DDX42: variants seen among roughly 807,000 people sequenced by gnomAD.
DDX42 encodes ATP-dependent RNA helicase DDX42.
A neutral mutation model predicts 101.5 loss-of-function variants in DDX42; 22 were observed. The ratio of observed to expected loss-of-function variants is 0.22; its 90% confidence interval spans 0.15 to 0.31. The LOEUF is 0.31. DDX42 is among the 10% of genes least tolerant of loss of function. DDX42 has a pLI of 1.00. For missense variants in DDX42, 849 were observed against 1,199.9 expected (o/e 0.71, Z 4.32); for synonymous variants, 402 against 401.2 (o/e 1.00, Z -0.02).
At position 63,811,187 on chromosome 17, in the gene DDX42, G is replaced by T; in HGVS notation, c.1398+14G>T. The T allele has an allele frequency of 6.3e-7, 1 of 1,585,502 alleles. No individual in the cohort carries two copies. Among genetic ancestry groups the T allele is most frequent in the Non-Finnish European group, 8.6e-7 (1 of 1,157,556 alleles). On this transcript the variant is annotated intron_variant, in intron 13 of 17. Transcript: ENST00000389924. The stretch of plus-strand genomic sequence containing the variant: ...GATATTGGAGAGGTAACCCTAAGCA[G>T]GGCTGGATGGGACCTTAATGGGTTT...
At chr17:63,798,000 T>C in intron 3 of DDX42, 38 bp from the exon 4 acceptor site, 2 of 1,570,032 alleles carry the variant, frequency 1.3e-6, no homozygotes, top group Non-Finnish European at 1.7e-6. Flanking sequence ...TCAGTGTTTT[T>C]AGTTGATGTC....
At chr17:63,811,738 G>T in intron 13 of DDX42, 194 bp from the exon 14 acceptor site, 7 of 692,054 alleles carry the variant, frequency 1.0e-5, no homozygotes, top group Non-Finnish European at 1.5e-5. Flanking sequence ...AATTAGGTAT[G>T]TACACCAGGT....
chr17:63,799,548 A>G (rs1473948494), intron 4 of DDX42, 41 bp from the exon 5 acceptor site: 1 of 1,611,028 alleles, frequency 6.2e-7, no homozygotes, highest in Non-Finnish European at 8.5e-7. Flanking sequence ...GGGTATGTGG[A>G]ACATTTGCAG....
intron 15 of DDX42, 72 bp downstream of exon 15, chr17:63,813,526 T>C: frequency 7.1e-7 from 1 of 1,406,998 alleles, no homozygotes; most frequent in Non-Finnish European, 9.8e-7. Flanking sequence ...CTGGAACAGA[T>C]AACATAAAAA....
At chr17:63,802,256 A>G (rs1230185045) in intron 6 of DDX42, among the ~76,000 whole-genome samples, 1 of 152,208 alleles carries the variant, frequency 6.6e-6, no homozygotes, top group Admixed American at 6.5e-5. Flanking sequence ...GTGACCCTTG[A>G]GCTACATGTC....
rs575898679 is a variant in DDX42 at position 63,817,666 on chromosome 17, C to T, written c.2113-28C>T. ...AAGTTTCTTGAACTTGCTATCTTAC[C>T]TACTCCTGATGTCTCTTTCTCTTTC... On this transcript the variant is annotated intron_variant, in intron 17 of 17. Transcript: ENST00000389924. 4.4e-6 allele frequency: 7 copies of T among 1,601,318 alleles called. No individual in the cohort carries two copies. The African/African-American group carries it at 6.7e-5, about 15-fold the overall frequency.
intron 11 of DDX42, among the ~76,000 whole-genome samples, chr17:63,809,977 G>A (rs1335811672): frequency 6.6e-6 from 1 of 152,140 alleles, no homozygotes; most frequent in Non-Finnish European, 1.5e-5. Flanking sequence ...CAGATCATTC[G>A]AGGCCCTTTG....
chr17:63,797,352 CAAAAAA>C (rs59892636), intron 3 of DDX42, among the ~76,000 whole-genome samples: 1 of 100,050 alleles, frequency 1.0e-5, no homozygotes, highest in African/African-American at 3.7e-5. Context: ...AACTCCATCT[CAAAAAA>C]AAAAAAAAAA....
chr17:63,789,547 T>G (rs11079512), intron 2 of DDX42, among the ~76,000 whole-genome samples: 578 of 18,832 alleles, frequency 0.031, 136 homozygotes, highest in African/African-American at 0.3. Flanking sequence ...TCTAAAAGAC[T>G]TTTTTGTTTT....
At chr17:63,777,767 G>A (rs921478171) in intron 1 of DDX42, among the ~76,000 whole-genome samples, 15 of 152,176 alleles carry the variant, frequency 9.9e-5, no homozygotes, top group African/African-American at 3.6e-4. Context: ...CATTTCTTTG[G>A]GGATATCATA....
intron 1 of DDX42, among the ~76,000 whole-genome samples, chr17:63,785,084 A>G (rs1366879598): frequency 2.0e-5 from 3 of 152,238 alleles, no homozygotes; most frequent in African/African-American, 4.8e-5. Context: ...AAAACTACAT[A>G]TCTGGGAGAG....
intron 2 of DDX42, among the ~76,000 whole-genome samples, chr17:63,788,557 C>T (rs12450151): frequency 2.6e-4 from 40 of 152,184 alleles, no homozygotes; most frequent in Middle Eastern, 6.8e-3. Flanking sequence ...CCGCCCGCCT[C>T]AGCCTCCCAA....
At chr17:63,784,959 A>G (rs547450723) in intron 1 of DDX42, among the ~76,000 whole-genome samples, 6 of 152,350 alleles carry the variant, frequency 3.9e-5, no homozygotes, top group African/African-American at 1.4e-4. Flanking sequence ...GACATTAAAC[A>G]ATATCACAGT....
At position 63,809,684 on chromosome 17, in the gene DDX42, C is replaced by G. The variant is rs1171507522; in HGVS notation, c.1252+25C>G. ...GGTATGCCTTGAATACCAGTTTCTT[C>G]TGTCCCCATCCTCATGATACTAGTT... On this transcript the variant is annotated intron_variant, in intron 11 of 17. Transcript: ENST00000389924. 5 of 1,574,248 alleles carry G rather than the reference C, an allele frequency of 3.2e-6. No homozygotes were observed. In the Admixed American group the frequency reaches 6.7e-5, roughly 21 times the overall value.
intron 17 of DDX42, 113 bp downstream of exon 17, chr17:63,817,079 G>T: frequency 1.3e-6 from 1 of 777,006 alleles, no homozygotes; most frequent in Non-Finnish European, 2.1e-6. Flanking sequence ...GCTAGATTTA[G>T]GGTCTTCACG....
At chr17:63,817,421 T>G (rs2039989457) in intron 17 of DDX42, 1 of 379,366 alleles carries the variant, frequency 2.6e-6, no homozygotes, top group African/African-American at 2.0e-5. Flanking sequence ...TGAATGCAGA[T>G]AAATGTGCTA....
At chr17:63,788,881 TTTTTG>T (rs1177093921) in intron 2 of DDX42, among the ~76,000 whole-genome samples, 2 of 151,986 alleles carry the variant, frequency 1.3e-5, no homozygotes, top group Admixed American at 1.3e-4. Flanking sequence ...CTTGAGGTTT[TTTTTG>T]TTTTGTTTTG....
At chr17:63,799,783 A>G (rs1262181023) in intron 5 of DDX42, among the ~76,000 whole-genome samples, 158 bp downstream of exon 5, 1 of 152,234 alleles carries the variant, frequency 6.6e-6, no homozygotes. Flanking sequence ...CCAATTGGTA[A>G]TACATAGATT....
At position 63,776,112 on chromosome 17, in the gene DDX42, C is replaced by G. The variant is rs578108935; in HGVS notation, c.-17+1736C>G. 5 of 152,336 alleles carry G rather than the reference C, an allele frequency of 3.3e-5. No homozygotes were observed. In the South Asian group the frequency reaches 6.2e-4, roughly 19 times the overall value. The allele number at this position is 152,336 out of a possible 1,614,324, so 9.4% of individuals were successfully genotyped here. ...GCTAATCACTGTCACTAGAACTCTTCCTTCCACCTCCAAAAATACAAGTGA... is the reference window on the plus strand; with the variant it reads ...GCTAATCACTGTCACTAGAACTCTTGCTTCCACCTCCAAAAATACAAGTGA... On this transcript the variant is annotated intron_variant, in intron 1 of 17. Transcript: ENST00000389924.
Sources: gnomAD v4.1 joint callset for allele counts (sites outside exome capture counted in the v4.1 genomes callset) on GRCh38, gnomAD v4.1.1 for gene constraint, MANE v1.5 for transcripts, NCBI Gene and HGNC (gene_info 2026-07-23, HGNC 2026-07-21) for gene names.